The following CCDC15 variants were observed in gnomAD, a reference collection of about 807,000 sequenced individuals.
The protein encoded by CCDC15 is coiled-coil domain-containing protein 15.
A neutral mutation model predicts 114.5 loss-of-function variants in CCDC15; 105 were observed. That is an observed-to-expected ratio of 0.92 (90% CI 0.78 to 1.08). CCDC15 has a LOEUF of 1.08. Among genes scored for constraint, CCDC15 ranks in the 50% least tolerant of loss-of-function variants. The pLI is 0.00. For missense variants in CCDC15, 1,105 were observed against 1,093.6 expected (o/e 1.01, Z -0.15); for synonymous variants, 334 against 377.8 (o/e 0.88, Z 1.34).
intron 15 of CCDC15, 132 bp from the exon 16 acceptor site, chr11:125,040,458 C>T: frequency 3.9e-6 from 3 of 771,032 alleles, no homozygotes; most frequent in Non-Finnish European, 6.0e-6. Context: ...ATAGTAAGTA[C>T]TGAATAAATA....
At chr11:125,010,137 G>A (rs544754599) in intron 13 of CCDC15, among the ~76,000 whole-genome samples, 1 of 152,204 alleles carries the variant, frequency 6.6e-6, no homozygotes, top group African/African-American at 2.4e-5. Flanking sequence ...CACCAACAAT[G>A]AATAAGCATT....
Position 124,954,711 on chromosome 11 carries a change from T to G in CCDC15, c.-9-13T>G. 3 of 1,611,436 alleles carry G rather than the reference T, an allele frequency of 1.9e-6. No homozygotes were observed. In the South Asian group the frequency reaches 3.3e-5, roughly 18 times the overall value. ...CATTTGAAGATTTTAAGCTTTTTCT[T>G]TCTCCTAATCAGGAGTCACAGATGC... On this transcript the variant is annotated splice_polypyrimidine_tract_variant and intron_variant, in intron 1 of 15. Coordinates refer to ENST00000344762, the MANE Select transcript of CCDC15 (RefSeq NM_025004.3).
chr11:124,964,205 A>G (rs1947725120), intron 4 of CCDC15, among the ~76,000 whole-genome samples: 1 of 152,120 alleles, frequency 6.6e-6, no homozygotes, highest in South Asian at 2.1e-4. Context: ...TGATGGGGAT[A>G]GCACTGAATC....
At position 125,025,057 on chromosome 11, in the gene CCDC15, TATATATATGAATATATGA is replaced by T. The variant is rs1419874345; in HGVS notation, c.2412-13357_2412-13340del. On this transcript the variant is annotated intron_variant, in intron 13 of 15. Transcript: ENST00000344762. ...ATGAATACATATGAATATATATGAATATATATATGAATATATGAATATATATGAATATATATATGAATA... is the reference window on the plus strand; with the variant it reads ...ATGAATACATATGAATATATATGAATATATATATGAATATATATATGAATA... Among the ~76,000 whole-genome samples, 74 of 104,744 alleles carry T rather than the reference TATATATATGAATATATGA, an allele frequency of 7.1e-4. 1 individual carries two copies. The highest frequency in any genetic ancestry group is 2.1e-3 in the African/African-American group (50 of 23,442). The allele number at this position is 104,744 out of a possible 152,430, so 68.7% of individuals were successfully genotyped here.
intron 13 of CCDC15, among the ~76,000 whole-genome samples, chr11:125,005,945 G>A (rs944356928): frequency 2.6e-5 from 4 of 152,060 alleles, no homozygotes; most frequent in African/African-American, 9.7e-5. Context: ...ATGTATCACA[G>A]TTTAGTTATT....
At chr11:124,956,911 TCTA>T (rs1591564582) in intron 2 of CCDC15, among the ~76,000 whole-genome samples, 1 of 152,170 alleles carries the variant, frequency 6.6e-6, no homozygotes, top group African/African-American at 2.4e-5. Flanking sequence ...AAGGGGAACT[TCTA>T]CTCATTTTTC....
intron 8 of CCDC15, among the ~76,000 whole-genome samples, chr11:124,990,793 AC>A (rs2135490602): frequency 6.6e-6 from 1 of 152,304 alleles, no homozygotes; most frequent in Non-Finnish European, 1.5e-5. Context: ...ATCTGCTTAG[AC>A]AGCTGAAAGA....
intron 13 of CCDC15, among the ~76,000 whole-genome samples, chr11:125,016,992 G>T (rs1400128790): frequency 6.6e-6 from 1 of 152,062 alleles, no homozygotes; most frequent in Non-Finnish European, 1.5e-5. Flanking sequence ...TTGATAGTTG[G>T]CAAATAATTA....
intron 2 of CCDC15, among the ~76,000 whole-genome samples, chr11:124,955,428 A>T (rs1591563254): frequency 6.6e-6 from 1 of 152,252 alleles, no homozygotes; most frequent in East Asian, 1.9e-4. Flanking sequence ...GGTTTCTGAT[A>T]GTCTTTCACC....
At chr11:124,989,002 A>G (rs752363558) in intron 8 of CCDC15, among the ~76,000 whole-genome samples, 8 of 152,238 alleles carry the variant, frequency 5.3e-5, no homozygotes, top group Non-Finnish European at 1.0e-4. Flanking sequence ...ACCTCCTCCC[A>G]TGATTCATGA....
intron 3 of CCDC15, 45 bp downstream of exon 3, chr11:124,959,309 G>A: frequency 6.8e-7 from 1 of 1,478,382 alleles, no homozygotes; most frequent in Non-Finnish European, 9.1e-7. Context: ...TGGAAAATAT[G>A]TGTGTTATGA....
chr11:124,999,601 C>T (rs966227240), intron 11 of CCDC15, among the ~76,000 whole-genome samples: 1 of 151,716 alleles, frequency 6.6e-6, no homozygotes, highest in African/African-American at 2.4e-5. Flanking sequence ...GTTTTTCTGT[C>T]TCTAAAATTT....
intron 4 of CCDC15, among the ~76,000 whole-genome samples, chr11:124,973,463 G>A (rs1363919099): frequency 6.6e-6 from 1 of 151,100 alleles, no homozygotes; most frequent in East Asian, 2.0e-4. Context: ...GAAGTCTTCC[G>A]CTTGGCAAAA....
chr11:124,967,567 G>A (rs1348320448), intron 4 of CCDC15, among the ~76,000 whole-genome samples: 1 of 152,150 alleles, frequency 6.6e-6, no homozygotes, highest in Non-Finnish European at 1.5e-5. Context: ...TCCTTGCGAT[G>A]GGTTCAAACA....
chr11:125,003,908 A>G lies in CCDC15; in HGVS notation c.2256A>G (p.Gln752=), dbSNP rs1293574595. ...RYQSGLSTEF[Q]APLAFQSDVD... ...AATCAGGATTGAGCACTGAATTCCA[A>G]GCTCCACTGGCATTTCAGTCTGACG... is the stretch of plus-strand genomic sequence containing the variant. Residue 752 remains glutamine, a synonymous_variant, in exon 12 of 16, where the codon CAA becomes CAG. Transcript: ENST00000344762. The G allele has an allele frequency of 1.3e-6, 2 of 1,568,338 alleles. No homozygotes were observed. Among genetic ancestry groups the G allele is most frequent in the Non-Finnish European group, 1.7e-6 (2 of 1,163,234 alleles).
chr11:124,973,730 C>T (rs895050231), intron 4 of CCDC15, among the ~76,000 whole-genome samples: 7 of 151,852 alleles, frequency 4.6e-5, no homozygotes, highest in African/African-American at 1.5e-4. Flanking sequence ...TCAAGCAATC[C>T]TTCCACCTCT....
At chr11:125,039,719 C>A (rs2135546021) in intron 15 of CCDC15, among the ~76,000 whole-genome samples, 1 of 152,286 alleles carries the variant, frequency 6.6e-6, no homozygotes, top group South Asian at 2.1e-4. Flanking sequence ...AAACACAAAT[C>A]TAATTATGCC....
At chr11:124,965,582 C>CA (rs1228684916) in intron 4 of CCDC15, among the ~76,000 whole-genome samples, 22 of 152,008 alleles carry the variant, frequency 1.4e-4, no homozygotes, top group Non-Finnish European at 2.4e-4. Context: ...TTGATCTTTT[C>CA]AAAAAACCAG....
At chr11:124,975,828 GTA>G (rs1448708329) in intron 5 of CCDC15, among the ~76,000 whole-genome samples, 1 of 151,984 alleles carries the variant, frequency 6.6e-6, no homozygotes, top group East Asian at 1.9e-4. Flanking sequence ...TTGTCATAAA[GTA>G]TGTCACTTTC....
Sources: allele counts gnomAD v4.1 joint callset (sites outside exome capture counted in the v4.1 genomes callset), GRCh38; gene constraint gnomAD v4.1.1; transcripts MANE v1.5; gene names NCBI Gene and HGNC (gene_info 2026-07-23, HGNC 2026-07-21).